Variants in ITCH observed in about 807,000 individuals in gnomAD.
ITCH encodes E3 ubiquitin-protein ligase Itchy homolog.
In ITCH, 28 loss-of-function variants were observed where a neutral mutation model predicts 126.8. The observed-to-expected ratio is 0.22, with a 90% CI of 0.16 to 0.30. The LOEUF is 0.30. Among genes scored for constraint, ITCH ranks in the 10% least tolerant of loss-of-function variants. The probability of loss-of-function intolerance (pLI) is 1.00; values close to 1 mark genes in which losing one functional copy is unlikely to be tolerated. For synonymous variants in ITCH, 342 were observed against 340.0 expected (o/e 1.01, Z -0.06); for missense variants, 631 against 1,032.4 (o/e 0.61, Z 5.33).
In ITCH at chr20:34,507,844, G is replaced by A. The variant is rs750799971; in HGVS notation, c.*50G>A. ...GGGCAAGAACTTATTTGCAATGTTT[G>A]TCCTTCTCTGCCTGTTGCACATCTT... On this transcript the variant is annotated 3_prime_UTR_variant, in exon 25 of 25. Coordinates refer to ENST00000374864, the MANE Select transcript of ITCH (RefSeq NM_031483.7). The A allele has an allele frequency of 9.1e-6, 12 of 1,325,206 alleles. No homozygotes were observed. The highest frequency in any genetic ancestry group is 7.2e-5 in the African/African-American group (5 of 69,120). The allele number at this position is 1,325,206 out of a possible 1,614,324, so 82.1% of individuals were successfully genotyped here. A position where few individuals can be genotyped will look rare whatever the true frequency, so the allele number is the denominator to read the frequency against.
intron 20 of ITCH, among the ~76,000 whole-genome samples, chr20:34,484,748 A>G (rs1179608713): frequency 6.6e-6 from 1 of 152,218 alleles, no homozygotes; most frequent in Non-Finnish European, 1.5e-5. Flanking sequence ...TCTTAAGTGT[A>G]GAAGTTGAAA....
At chr20:34,465,462 CAAT>C (rs1344648415) in intron 14 of ITCH, among the ~76,000 whole-genome samples, 4 of 151,932 alleles carry the variant, frequency 2.6e-5, no homozygotes, top group Non-Finnish European at 4.4e-5. Flanking sequence ...TGTACAGAAT[CAAT>C]AAAATCCATA....
intron 2 of ITCH, among the ~76,000 whole-genome samples, chr20:34,373,359 T>C (rs1483044951): frequency 6.6e-6 from 1 of 151,242 alleles, no homozygotes; most frequent in African/African-American, 2.4e-5. Context: ...CACTGCAACC[T>C]CCGTTTCCTG....
intron 3 of ITCH, chr20:34,402,255 T>C: frequency 7.9e-7 from 1 of 1,264,352 alleles, no homozygotes; most frequent in Non-Finnish European, 1.2e-6. Context: ...TGCAGAACAC[T>C]CCACGTACTT....
At chr20:34,484,276 A>G (rs536241534) in intron 20 of ITCH, among the ~76,000 whole-genome samples, 14 of 152,300 alleles carry the variant, frequency 9.2e-5, no homozygotes, top group Non-Finnish European at 1.9e-4. Flanking sequence ...CTCAATAGCA[A>G]TTCTTTCCAG....
chr20:34,376,695 C>T (rs894919044), intron 2 of ITCH, among the ~76,000 whole-genome samples: 5 of 151,930 alleles, frequency 3.3e-5, no homozygotes, highest in Non-Finnish European at 1.5e-5. Flanking sequence ...AGAGTCAAGC[C>T]TCTTATTTTG....
At chr20:34,474,353 G>T (rs999562537) in intron 16 of ITCH, among the ~76,000 whole-genome samples, 5 of 152,186 alleles carry the variant, frequency 3.3e-5, no homozygotes, top group Non-Finnish European at 7.3e-5. Flanking sequence ...AGATTAGGGA[G>T]TGGTGATGAC....
At chr20:34,462,284 G>T in intron 14 of ITCH, 63 bp downstream of exon 14, 1 of 1,524,086 alleles carries the variant, frequency 6.6e-7, no homozygotes, top group Non-Finnish European at 9.1e-7. Context: ...TTGATATAAA[G>T]ATTTGTATTA....
intron 23 of ITCH, among the ~76,000 whole-genome samples, chr20:34,500,291 T>C (rs1990165942): frequency 6.6e-6 from 1 of 152,232 alleles, no homozygotes; most frequent in African/African-American, 2.4e-5. Context: ...AGTCCCCAAC[T>C]AGTATTGGAG....
rs865865728 is a variant in ITCH, at chr20:34,507,272, T to G, written c.2490-423T>G. On this transcript the variant is annotated intron_variant, in intron 24 of 24. Coordinates refer to ENST00000374864, the MANE Select transcript of ITCH (RefSeq NM_031483.7). ...ACTCTTGTTTTCTTCTGTTTTTTTT[T>G]TTTTTTTTTTTTTTTTTGGTTGTTG... is the stretch of plus-strand genomic sequence containing the variant. Among the ~76,000 whole-genome samples the G allele has an allele frequency of 1.7e-3, 139 of 82,154 alleles. 3 individuals carry two copies. The South Asian group carries it at 0.063, about 37-fold the overall frequency. 53.9% of individuals were successfully genotyped at this position (82,154 alleles called of 152,430 possible). A position where few individuals can be genotyped will look rare whatever the true frequency, so the allele number is the denominator to read the frequency against.
At chr20:34,467,650 T>C (rs1600416040) in intron 14 of ITCH, among the ~76,000 whole-genome samples, 2 of 150,530 alleles carry the variant, frequency 1.3e-5, no homozygotes, top group Non-Finnish European at 1.5e-5. Flanking sequence ...ATTCATAAAA[T>C]ACAAGTGATG....
In ITCH at chr20:34,421,853, C is replaced by T. The variant is rs562851050; in HGVS notation, c.476-2627C>T. On this transcript the variant is annotated intron_variant, in intron 6 of 24. Coordinates refer to ENST00000374864, the MANE Select transcript of ITCH (RefSeq NM_031483.7). ...TGAGACTCCATGTATTCAAAAAAAT[C>T]TTTAAAAAATGTAGCTGATTTTGTG... 1.4e-4 allele frequency among the ~76,000 whole-genome samples: 22 copies of T among 152,152 alleles called. No individual in the cohort carries two copies. In the South Asian group the frequency reaches 2.9e-3, roughly 20 times the overall value.
At chr20:34,383,148 G>T (rs574381468) in intron 2 of ITCH, among the ~76,000 whole-genome samples, 10 of 152,074 alleles carry the variant, frequency 6.6e-5, no homozygotes, top group South Asian at 2.1e-4. Context: ...CTCTGGCGAT[G>T]CTCCTGTGTC....
chr20:34,411,015 G>T (rs548207583), intron 4 of ITCH, among the ~76,000 whole-genome samples: 1 of 152,190 alleles, frequency 6.6e-6, no homozygotes, highest in South Asian at 2.1e-4. Context: ...TCGTGTAGCA[G>T]GCTTTCCAGA....
intron 2 of ITCH, among the ~76,000 whole-genome samples, chr20:34,379,617 C>T (rs1229283529): frequency 2.1e-5 from 3 of 139,940 alleles, no homozygotes; most frequent in Admixed American, 7.5e-5. Flanking sequence ...TTTTTTTAGA[C>T]GGAGTCTCGC....
intron 6 of ITCH, among the ~76,000 whole-genome samples, chr20:34,420,197 T>C (rs1052647943): frequency 1.3e-5 from 2 of 152,202 alleles, no homozygotes; most frequent in Non-Finnish European, 2.9e-5. Context: ...ACCATCTGTC[T>C]CTAGTTTCAG....
At chr20:34,425,450 G>A (rs964454382) in intron 7 of ITCH, among the ~76,000 whole-genome samples, 2 of 152,158 alleles carry the variant, frequency 1.3e-5, no homozygotes, top group African/African-American at 4.8e-5. Flanking sequence ...AGTAGTGAAA[G>A]AGGGAGGCCT....
At chr20:34,421,815 A>G (rs1601861384) in intron 6 of ITCH, among the ~76,000 whole-genome samples, 1 of 152,150 alleles carries the variant, frequency 6.6e-6, no homozygotes, top group African/African-American at 2.4e-5. Flanking sequence ...TGAGACCAGC[A>G]TGGACAACAT....
At chr20:34,476,391 G>A (rs1385872836) in intron 16 of ITCH, 32 of 1,260,408 alleles carry the variant, frequency 2.5e-5, no homozygotes, top group South Asian at 2.8e-5. Context: ...CGCGGGACCC[G>A]GCGTGGTGCA....
Sources: allele counts gnomAD v4.1 joint callset (sites outside exome capture counted in the v4.1 genomes callset), GRCh38; gene constraint gnomAD v4.1.1; transcripts MANE v1.5; gene names NCBI Gene and HGNC (gene_info 2026-07-23, HGNC 2026-07-21).